The following SAMMSON variants were observed in gnomAD, a reference collection of about 807,000 sequenced individuals.
SAMMSON encodes the protein long intergenic non-protein coding RNA 1212.
chr3:70,207,222 A>G (rs888153366), intron 4 of SAMMSON, among the ~76,000 whole-genome samples: 2 of 152,028 alleles, frequency 1.3e-5, no homozygotes, highest in African/African-American at 4.8e-5. Context: ...TCACTTTATT[A>G]CTTTGTTTTT....
intron 4 of SAMMSON, among the ~76,000 whole-genome samples, chr3:70,115,683 C>T (rs1312704850): frequency 6.6e-6 from 1 of 152,114 alleles, no homozygotes; most frequent in Non-Finnish European, 1.5e-5. Context: ...GAATTTTCTT[C>T]TCCCCTCTAT....
At chr3:70,023,740 T>C (rs986041439) in intron 3 of SAMMSON, among the ~76,000 whole-genome samples, 10 of 152,330 alleles carry the variant, frequency 6.6e-5, no homozygotes, top group South Asian at 2.1e-4. Flanking sequence ...CAAGGTATGA[T>C]CTCTATTTCG....
chr3:70,096,593 C>T (rs1195761693), intron 4 of SAMMSON, among the ~76,000 whole-genome samples: 1 of 152,098 alleles, frequency 6.6e-6, no homozygotes, highest in African/African-American at 2.4e-5. Flanking sequence ...ATGACTAATC[C>T]TGAAAGTGAC....
chr3:70,104,838 C>G (rs2067361062), intron 4 of SAMMSON, among the ~76,000 whole-genome samples: 1 of 152,090 alleles, frequency 6.6e-6, no homozygotes, highest in African/African-American at 2.4e-5. Context: ...ACATATGGAT[C>G]TCCCATGGGA....
chr3:70,144,557 T>C (rs2067540461), intron 4 of SAMMSON, among the ~76,000 whole-genome samples: 1 of 152,144 alleles, frequency 6.6e-6, no homozygotes, highest in African/African-American at 2.4e-5. Flanking sequence ...CTCCGAAATA[T>C]ACTTAAGAAA....
chr3:70,053,036 A>G (rs543475219), intron 3 of SAMMSON, among the ~76,000 whole-genome samples: 1 of 152,154 alleles, frequency 6.6e-6, no homozygotes, highest in Non-Finnish European at 1.5e-5. Flanking sequence ...GTGCTCTGAA[A>G]AGCAGAGCAT....
At chr3:70,409,816 T>G (rs1347672385) in intron 2 of SAMMSON, among the ~76,000 whole-genome samples, 2 of 152,314 alleles carry the variant, frequency 1.3e-5, no homozygotes, top group East Asian at 3.9e-4. Context: ...TTTTCATGTA[T>G]TTTTTTAAAA....
At chr3:70,294,989 C>A (rs1522343) in intron 7 of SAMMSON, among the ~76,000 whole-genome samples, 22 of 152,042 alleles carry the variant, frequency 1.4e-4, no homozygotes, top group Non-Finnish European at 2.2e-4. Context: ...TTACTAGAAG[C>A]CCCTAGCAGA....
At chr3:70,098,064 T>C (rs2067329155) in intron 4 of SAMMSON, among the ~76,000 whole-genome samples, 1 of 152,210 alleles carries the variant, frequency 6.6e-6, no homozygotes, top group African/African-American at 2.4e-5. Flanking sequence ...ATTAAGTCAT[T>C]TGTGTTCTCC....
intron 6 of SAMMSON, among the ~76,000 whole-genome samples, chr3:70,258,841 A>C (rs1305844904): frequency 6.6e-6 from 1 of 152,192 alleles, no homozygotes. Context: ...CGCTGAGAGC[A>C]GGTGATGACC....
intron 3 of SAMMSON, among the ~76,000 whole-genome samples, chr3:70,057,947 A>G (rs2107590993): frequency 6.6e-6 from 1 of 152,150 alleles, no homozygotes; most frequent in East Asian, 1.9e-4. Context: ...AGAAAGGGAA[A>G]CTTGAGATAT....
chr3:70,296,804 C>CT (rs1335554150), intron 7 of SAMMSON, among the ~76,000 whole-genome samples: 1 of 152,112 alleles, frequency 6.6e-6, no homozygotes, highest in Non-Finnish European at 1.5e-5. Flanking sequence ...TTCTACTCTT[C>CT]AGCCCACACT....
At chr3:70,328,777 CG>C (rs1464283222) in intron 7 of SAMMSON, among the ~76,000 whole-genome samples, 1 of 151,998 alleles carries the variant, frequency 6.6e-6, no homozygotes, top group Non-Finnish European at 1.5e-5. Flanking sequence ...ATGGCTGAAT[CG>C]TTTTCCAAAT....
chr3:70,313,000 G>A (rs1265625310), intron 7 of SAMMSON, among the ~76,000 whole-genome samples: 2 of 152,070 alleles, frequency 1.3e-5, no homozygotes, highest in East Asian at 3.9e-4. Flanking sequence ...GCTACACTCT[G>A]GAAATTCATC....
intron 4 of SAMMSON, among the ~76,000 whole-genome samples, chr3:70,106,842 ATAT>A (rs2067369048): frequency 6.6e-6 from 1 of 152,176 alleles, no homozygotes; most frequent in Admixed American, 6.5e-5. Context: ...TATAACAGAA[ATAT>A]TATTAAAATT....
chr3:70,255,912 G>GA (rs1314634939), intron 6 of SAMMSON, among the ~76,000 whole-genome samples: 1 of 151,720 alleles, frequency 6.6e-6, no homozygotes, highest in Non-Finnish European at 1.5e-5. Context: ...GCATTTACAG[G>GA]AAAAAAATTC....
chr3:70,271,223 G>A (rs560404759), intron 6 of SAMMSON, among the ~76,000 whole-genome samples: 9 of 152,044 alleles, frequency 5.9e-5, no homozygotes, highest in Non-Finnish European at 8.8e-5. Context: ...ATTTATCATT[G>A]ATCTACCTTA....
chr3:70,225,739 A>G (rs1042964793), intron 4 of SAMMSON, among the ~76,000 whole-genome samples: 7 of 152,246 alleles, frequency 4.6e-5, no homozygotes, highest in Admixed American at 3.9e-4. Context: ...TAGTTTGGTG[A>G]TAAGAACAAA....
intron 7 of SAMMSON, among the ~76,000 whole-genome samples, chr3:70,352,478 T>C (rs1702800992): frequency 2.6e-5 from 4 of 152,036 alleles, no homozygotes; most frequent in Admixed American, 2.6e-4. Context: ...TAAGAGAATT[T>C]GTCACCAGAA....
Sources: gnomAD v4.1 joint callset for allele counts (sites outside exome capture counted in the v4.1 genomes callset) on GRCh38, gnomAD v4.1.1 for gene constraint, MANE v1.5 for transcripts, NCBI Gene and HGNC (gene_info 2026-07-23, HGNC 2026-07-21) for gene names.